The following ITGB5 variants were observed in gnomAD, a reference collection of about 807,000 sequenced individuals.
The protein encoded by ITGB5 is integrin subunit beta 5.
ITGB5 carries 38 observed loss-of-function variants against 84.8 expected under a neutral mutation model. The observed-to-expected ratio is 0.45, with a 90% CI of 0.35 to 0.59. ITGB5 has a LOEUF of 0.59. Ranked by LOEUF, ITGB5 falls within the 20% of genes least tolerant of loss-of-function variation. ITGB5 has a pLI of 0.01. For synonymous variants in ITGB5, 393 were observed against 414.4 expected (o/e 0.95, Z 0.63); for missense variants, 905 against 1,034.5 (o/e 0.87, Z 1.72).
intron 9 of ITGB5, 123 bp from the exon 10 acceptor site, chr3:124,796,940 G>T: frequency 2.3e-6 from 2 of 877,752 alleles, no homozygotes; most frequent in East Asian, 2.7e-5. Context: ...CACTCAGGTA[G>T]AACCACCAAG....
chr3:124,866,659 C>A (rs565847902), intron 2 of ITGB5, among the ~76,000 whole-genome samples: 4 of 152,166 alleles, frequency 2.6e-5, no homozygotes, highest in African/African-American at 9.7e-5. Context: ...TGGACACAGG[C>A]GGGGAGCTGG....
At chr3:124,869,058 T>C (rs2065437832) in intron 2 of ITGB5, among the ~76,000 whole-genome samples, 1 of 151,992 alleles carries the variant, frequency 6.6e-6, no homozygotes, top group South Asian at 2.1e-4. Flanking sequence ...ACAATAAGGG[T>C]AAGTCTTCAT....
intron 8 of ITGB5, among the ~76,000 whole-genome samples, chr3:124,815,122 C>A (rs1224001774): frequency 6.6e-6 from 1 of 152,192 alleles, no homozygotes; most frequent in Non-Finnish European, 1.5e-5. Context: ...TTATGAGATC[C>A]CATGCATGGA....
chr3:124,832,094 GA>G (rs1375673870), intron 5 of ITGB5, among the ~76,000 whole-genome samples: 19 of 152,334 alleles, frequency 1.2e-4, no homozygotes, highest in Non-Finnish European at 2.9e-5. Flanking sequence ...TGATAGAGAG[GA>G]AACTCTTAGC....
chr3:124,799,635 C>T (rs985874317), intron 9 of ITGB5, among the ~76,000 whole-genome samples: 3 of 152,206 alleles, frequency 2.0e-5, no homozygotes, highest in Non-Finnish European at 4.4e-5. Context: ...AGGCACTGTG[C>T]TGGACTTTTC....
intron 1 of ITGB5, chr3:124,878,818 T>C (rs1934445668): frequency 6.6e-6 from 1 of 152,142 alleles, no homozygotes; most frequent in Non-Finnish European, 1.5e-5. Context: ...AAGGAAGCAA[T>C]GAATAAAAAA....
intron 2 of ITGB5, among the ~76,000 whole-genome samples, chr3:124,869,664 AAAG>A (rs1267282934): frequency 5.9e-5 from 9 of 152,314 alleles, no homozygotes; most frequent in African/African-American, 2.2e-4. Flanking sequence ...AGTCACCCCC[AAAG>A]AAGATGGGAA....
chr3:124,775,723 A>G (rs2063917638), intron 10 of ITGB5, among the ~76,000 whole-genome samples: 3 of 152,286 alleles, frequency 2.0e-5, no homozygotes, highest in Admixed American at 2.0e-4. Context: ...TGAGTCAGTT[A>G]CCTGGCTTGT....
chr3:124,835,197 C>A (rs1293514592), intron 5 of ITGB5, among the ~76,000 whole-genome samples: 3 of 119,616 alleles, frequency 2.5e-5, no homozygotes, highest in African/African-American at 8.2e-5. Flanking sequence ...AGTTATGACT[C>A]AGCCAGTTCC....
chr3:124,865,659 T>C (rs898825079), intron 2 of ITGB5, among the ~76,000 whole-genome samples: 6 of 151,604 alleles, frequency 4.0e-5, no homozygotes, highest in Non-Finnish European at 7.4e-5. Flanking sequence ...ACTGATTTTT[T>C]ACTTTTTTTG....
In ITGB5 at chr3:124,796,563, C is replaced by T. The variant is rs922348161; in HGVS notation, c.1518G>A (p.Gln506=). 3 of 1,614,162 alleles carry T rather than the reference C, an allele frequency of 1.9e-6. No individual in the cohort carries two copies. The highest frequency in any genetic ancestry group is 1.3e-5 in the African/African-American group (1 of 75,070). The part of the protein sequence containing the change: ...TRCECQDGEN[Q]SVYQNLCREA... ...CCCGGCACAGGTTCTGGTACACGCT[C>T]TGGTTCTCCCCATCCTGGCACTCGC... Residue 506 remains glutamine, a synonymous_variant, in exon 10 of 15, where the codon CAG becomes CAA. Coordinates refer to ENST00000296181, the MANE Select transcript of ITGB5 (RefSeq NM_002213.5).
chr3:124,863,865 C>A (rs1406920848), intron 2 of ITGB5, among the ~76,000 whole-genome samples: 1 of 150,876 alleles, frequency 6.6e-6, no homozygotes, highest in East Asian at 2.0e-4. Flanking sequence ...GAGAGAAAAC[C>A]AAAATGACAG....
upstream of ITGB5, among the ~76,000 whole-genome samples, chr3:124,890,101 CAG>C (rs941083628): frequency 5.3e-5 from 8 of 151,988 alleles, no homozygotes; most frequent in Non-Finnish European, 1.0e-4. Flanking sequence ...ATTTGTCTGT[CAG>C]GGGAGTGTAG....
chr3:124,784,373 C>T (rs2064050004), intron 10 of ITGB5, among the ~76,000 whole-genome samples: 1 of 152,150 alleles, frequency 6.6e-6, no homozygotes, highest in Non-Finnish European at 1.5e-5. Context: ...GGCATGGTGG[C>T]ACATGCCTGT....
At chr3:124,772,316 C>CCAT (rs1443312563) in intron 11 of ITGB5, among the ~76,000 whole-genome samples, 2 of 152,246 alleles carry the variant, frequency 1.3e-5, no homozygotes, top group East Asian at 3.8e-4. Context: ...TCTTGTCTCT[C>CCAT]CATCTGCAGC....
intron 9 of ITGB5, among the ~76,000 whole-genome samples, chr3:124,803,701 A>AG (rs1166440670): frequency 2.0e-5 from 3 of 152,308 alleles, no homozygotes; most frequent in Middle Eastern, 3.4e-3. Flanking sequence ...CACATGGTGC[A>AG]GGGGGGCTCA....
intron 10 of ITGB5, among the ~76,000 whole-genome samples, chr3:124,776,638 A>T (rs2063930375): frequency 6.6e-6 from 1 of 152,230 alleles, no homozygotes; most frequent in African/African-American, 2.4e-5. Flanking sequence ...CTCCAAGGGT[A>T]GACTTAATAC....
chr3:124,895,326 C>T (rs534784309), intron 1 of ITGB5, among the ~76,000 whole-genome samples: 69 of 152,286 alleles, frequency 4.5e-4, no homozygotes, highest in East Asian at 4.4e-3. Context: ...TTGTGGGCTC[C>T]GGCAATCCTC....
intron 10 of ITGB5, among the ~76,000 whole-genome samples, chr3:124,779,967 A>G (rs1423858762): frequency 6.6e-6 from 1 of 152,214 alleles, no homozygotes; most frequent in Non-Finnish European, 1.5e-5. Flanking sequence ...GACAACACCC[A>G]GAGCCTGAGG....
Sources: allele counts gnomAD v4.1 joint callset (sites outside exome capture counted in the v4.1 genomes callset), GRCh38; gene constraint gnomAD v4.1.1; transcripts MANE v1.5; gene names NCBI Gene and HGNC (gene_info 2026-07-23, HGNC 2026-07-21).